USP6: variants seen among roughly 807,000 people sequenced by gnomAD.
USP6 encodes the protein ubiquitin carboxyl-terminal hydrolase 6.
USP6 carries 128 observed loss-of-function variants against 175.7 expected under a neutral mutation model. That is an observed-to-expected ratio of 0.73 (90% CI 0.63 to 0.84). The LOEUF (loss-of-function observed/expected upper bound fraction) is 0.84, where lower values mean the gene tolerates loss of function less well. Among genes scored for constraint, USP6 ranks in the 40% least tolerant of loss-of-function variants. The pLI is 0.00. For missense variants in USP6, 1,498 were observed against 1,760.3 expected, an observed-to-expected ratio of 0.85 and a Z score of 2.67; for synonymous variants, 562 against 630.6, an observed-to-expected ratio of 0.89 and a Z score of 1.63.
chr17:5,147,391 A>G (rs1209990774), intron 29 of USP6, among the ~76,000 whole-genome samples, 197 bp downstream of exon 29: 1 of 152,158 alleles, frequency 6.6e-6, no homozygotes, highest in Non-Finnish European at 1.5e-5. Context: ...CTTCAGTTAG[A>G]TAGGTAGTTG....
In USP6 at chr17:5,170,854, G is replaced by C. The variant is rs1393045232; in HGVS notation, c.3893G>C (p.Ser1298Thr). The change falls in exon 36 of 38, where the codon AGC (serine) becomes ACC (threonine). Residue 1298 changes from serine (S) to threonine (T), a missense_variant. This residue lies in a region of USP6 where 1,217 missense variants were observed against 1,500.8 expected (regional missense o/e 0.81). Transcript: ENST00000574788. ...GQLGNHSEEDSTDDQREDTHI... is the reference protein window; with the variant it reads ...GQLGNHSEEDTTDDQREDTHI... ...CTTGGAAACCACAGTGAAGAAGACAGCACTGATGACCAAAGAGAAGACACT... is the reference window on the plus strand; with the variant it reads ...CTTGGAAACCACAGTGAAGAAGACACCACTGATGACCAAAGAGAAGACACT... 4.3e-6 allele frequency: 7 copies of C among 1,612,856 alleles called. No homozygotes were observed. In the South Asian group the frequency reaches 6.6e-5, roughly 15 times the overall value.
rs150502961 is a variant in USP6 at position 5,160,466 on chromosome 17, T to G, written c.2829-1062T>G. Among the ~76,000 whole-genome samples, 166 of 152,338 alleles carry G rather than the reference T, an allele frequency of 1.1e-3. 2 individuals carry two copies. In the East Asian group the frequency reaches 0.024, roughly 22 times the overall value. ...CTAAGACATACAGCTTATATTTCGATAATATGTATAAATTGTTGCACTGCT... is the reference window on the plus strand; with the variant it reads ...CTAAGACATACAGCTTATATTTCGAGAATATGTATAAATTGTTGCACTGCT... On this transcript the variant is annotated intron_variant, in intron 31 of 37. Transcript: ENST00000574788.
chr17:5,123,368 G>A (rs2072768710), intron 4 of USP6, among the ~76,000 whole-genome samples: 1 of 151,932 alleles, frequency 6.6e-6, no homozygotes, highest in African/African-American at 2.4e-5. Context: ...CCCGGCCCGG[G>A]GGCGGCTCAG....
At chr17:5,131,587 C>T (rs2073070561) in intron 11 of USP6, among the ~76,000 whole-genome samples, 1 of 149,350 alleles carries the variant, frequency 6.7e-6, no homozygotes, top group East Asian at 2.1e-4. Flanking sequence ...GGGGGAAAGG[C>T]ATGGGGACAG....
intron 7 of USP6, among the ~76,000 whole-genome samples, chr17:5,128,096 C>T (rs754301630): frequency 7.2e-5 from 11 of 152,118 alleles, no homozygotes; most frequent in South Asian, 6.2e-4. Context: ...CTTGAGACTC[C>T]GTTTGGATGG....
At chr17:5,135,976 A>G in intron 17 of USP6, 48 bp downstream of exon 17, 1 of 1,597,012 alleles carries the variant, frequency 6.3e-7, no homozygotes, top group Non-Finnish European at 8.5e-7. Flanking sequence ...GACCCGGGAA[A>G]GCCACTGTGG....
intron 21 of USP6, 68 bp downstream of exon 21, chr17:5,138,341 G>A (rs1434581565): frequency 9.3e-6 from 15 of 1,604,478 alleles, no homozygotes; most frequent in South Asian, 7.7e-5. Flanking sequence ...CGGGTGCCCC[G>A]GACCAGCAAC....
At chr17:5,145,932 A>G (rs1478854644) in intron 27 of USP6, 91 bp from the exon 28 acceptor site, 7 of 1,406,720 alleles carry the variant, frequency 5.0e-6, no homozygotes, top group East Asian at 2.5e-5. Flanking sequence ...ATTTGCTATT[A>G]TATTTACAGG....
Position 5,161,600 on chromosome 17 carries a change from G to A in USP6, c.2901G>A (p.Trp967Ter). Residue 967 changes from tryptophan to a stop codon, truncating the protein, a stop_gained, in exon 32 of 38, where the codon TGG becomes TGA. Transcript: ENST00000574788. LOFTEE classifies it high-confidence loss of function. The part of the protein sequence containing the change: ...VVQKDGNSCA[W>*]CPQYRFCRGC... ...AGAAAGATGGGAACTCCTGTGCTTGGTGCCCACAGTATAGGTAAAGTGACC... is the reference window on the plus strand; with the variant it reads ...AGAAAGATGGGAACTCCTGTGCTTGATGCCCACAGTATAGGTAAAGTGACC... The A allele has an allele frequency of 6.2e-7, 1 of 1,613,936 alleles. No individual in the cohort carries two copies. The highest frequency in any genetic ancestry group is 8.5e-7 in the Non-Finnish European group (1 of 1,179,856).
intron 11 of USP6, among the ~76,000 whole-genome samples, chr17:5,131,195 G>A (rs566068268): frequency 1.2e-4 from 18 of 150,992 alleles, no homozygotes; most frequent in Admixed American, 4.6e-4. Flanking sequence ...GCTTTGGCCC[G>A]AAGAGAATGG....
Position 5,146,237 on chromosome 17 carries a change from T to G in USP6, c.2319+63T>G, listed in dbSNP as rs530197046. 1.3e-5 allele frequency: 19 copies of G among 1,513,752 alleles called. No individual in the cohort carries two copies. In the Admixed American group the frequency reaches 1.8e-4, roughly 14 times the overall value. 93.8% of individuals were successfully genotyped at this position (1,513,752 alleles called of 1,614,324 possible). A position where few individuals can be genotyped will look rare whatever the true frequency, so the allele number is the denominator to read the frequency against. On this transcript the variant is annotated intron_variant, in intron 28 of 37. Coordinates refer to ENST00000574788, the MANE Select transcript of USP6 (RefSeq NM_001304284.2). The stretch of plus-strand genomic sequence containing the variant: ...CTTCAAAGATGACATTTTTCTCAAT[T>G]ATGATGATCAGTTGTTAGGTTATGT...
intron 3 of USP6, 114 bp from the exon 4 acceptor site, chr17:5,121,261 G>A (rs1234325845): frequency 2.7e-6 from 1 of 366,452 alleles, no homozygotes; most frequent in African/African-American, 2.1e-5. Flanking sequence ...GTGTGCAGGT[G>A]CCTTTGGGGC....
chr17:5,168,751 AC>A lies in USP6; in HGVS notation c.3229-14del, dbSNP rs749618620. On this transcript the variant is annotated splice_polypyrimidine_tract_variant and intron_variant, in intron 34 of 37. Transcript: ENST00000574788. ...AGAACCCTTTAATGCGATGTTTTCT[AC>A]CTTTACTTCTCCAGATTATTCACCT... 7 of 1,547,730 alleles carry A rather than the reference AC, an allele frequency of 4.5e-6. No individual in the cohort carries two copies. In the East Asian group the frequency reaches 1.4e-4, roughly 30 times the overall value.
At chr17:5,130,192 G>T in intron 9 of USP6, 103 bp downstream of exon 9, 2 of 619,484 alleles carry the variant, frequency 3.2e-6, no homozygotes, top group Non-Finnish European at 5.8e-6. Context: ...TGGGGCTTCA[G>T]ACTGCAGAGA....
Position 5,146,167 on chromosome 17 carries a change from A to C in USP6, c.2312A>C (p.Asn771Thr). Residue 771 changes from asparagine (N) to threonine (T), a missense_variant, in exon 28 of 38, where the codon AAC becomes ACC. Coordinates refer to ENST00000574788, the MANE Select transcript of USP6 (RefSeq NM_001304284.2). Reference sequence around the variant, plus strand: ...CTACTAGCAGAAGTACATGATTCCAACATAAAGGTAATGTTAACTACTCTA... The same window carrying C: ...CTACTAGCAGAAGTACATGATTCCACCATAAAGGTAATGTTAACTACTCTA... ...QILLAEVHDS[N>T]IKNFPQDNQK... The C allele has an allele frequency of 6.2e-7, 1 of 1,608,298 alleles. No individual in the cohort carries two copies. The highest frequency in any genetic ancestry group is 8.5e-7 in the Non-Finnish European group (1 of 1,177,296).
intron 21 of USP6, 102 bp downstream of exon 21, chr17:5,138,375 C>T (rs1014277973): frequency 4.4e-6 from 7 of 1,575,690 alleles, no homozygotes; most frequent in African/African-American, 2.7e-5. Flanking sequence ...CCTTCCTCTT[C>T]ACCTTTTCTT....
chr17:5,141,017 C>T (rs1317189873), intron 22 of USP6, among the ~76,000 whole-genome samples: 1 of 152,172 alleles, frequency 6.6e-6, no homozygotes, highest in Non-Finnish European at 1.5e-5. Context: ...GCAATCATGG[C>T]TTACTGCAGT....
intron 4 of USP6, among the ~76,000 whole-genome samples, chr17:5,123,370 G>A (rs1194795818): frequency 1.3e-5 from 2 of 151,904 alleles, no homozygotes; most frequent in Non-Finnish European, 2.9e-5. Flanking sequence ...CGGCCCGGGG[G>A]CGGCTCAGCA....
At chr17:5,139,739 C>T in intron 22 of USP6, 65 bp downstream of exon 22, 1 of 1,597,458 alleles carries the variant, frequency 6.3e-7, no homozygotes, top group Non-Finnish European at 8.5e-7. Flanking sequence ...CTGCAGTGCA[C>T]CCAGCACTGA....
Sources: gnomAD v4.1 joint callset for allele counts (sites outside exome capture counted in the v4.1 genomes callset) on GRCh38, gnomAD v4.1.1 for gene constraint, gnomAD v4.1.1 regional missense constraint, MANE v1.5 for transcripts, NCBI Gene and HGNC (gene_info 2026-07-23, HGNC 2026-07-21) for gene names.